Variants in NOBOX observed in about 807,000 individuals in gnomAD.
The protein encoded by NOBOX is NOBOX oogenesis homeobox, also known as homeobox protein NOBOX.
In NOBOX, 46 loss-of-function variants were observed where a neutral mutation model predicts 60.2. The ratio of observed to expected loss-of-function variants is 0.76; its 90% CI spans 0.60 to 0.98. The LOEUF is 0.98. Ranked by LOEUF, NOBOX falls within the 50% of genes least tolerant of loss-of-function variation. The probability of loss-of-function intolerance (pLI) is 0.00; values close to 1 mark genes in which losing one functional copy is unlikely to be tolerated. For synonymous variants in NOBOX, 360 were observed against 346.3 expected, an observed-to-expected ratio of 1.04 and a Z score of -0.44; for missense variants, 880 against 865.5, an observed-to-expected ratio of 1.02 and a Z score of -0.21.
chr7:144,407,750 T>TG (rs1203923411), intron 1 of NOBOX, among the ~76,000 whole-genome samples: 2 of 152,116 alleles, frequency 1.3e-5, no homozygotes, highest in Non-Finnish European at 2.9e-5. Flanking sequence ...CTGGCTAGAG[T>TG]GGAAACTGCC....
At chr7:144,407,362 C>T (rs1248861258) in intron 1 of NOBOX, among the ~76,000 whole-genome samples, 1 of 152,122 alleles carries the variant, frequency 6.6e-6, no homozygotes, top group Admixed American at 6.5e-5. Flanking sequence ...ACACCTAGGA[C>T]CAGAAAGGCA....
chr7:144,396,899 A>G (rs889454869), downstream of NOBOX, among the ~76,000 whole-genome samples: 4 of 152,198 alleles, frequency 2.6e-5, no homozygotes, highest in South Asian at 2.1e-4. Flanking sequence ...ATAACCACAG[A>G]GAAAACCGCA....
intron 4 of NOBOX, 116 bp from the exon 3 acceptor site, chr7:144,400,428 C>A (rs74599724): frequency 0.014 from 12,526 of 868,930 alleles, 118 homozygotes; most frequent in Non-Finnish European, 0.019. Context: ...CCTAACCCAA[C>A]ACTTTCCCAA....
intron 1 of NOBOX, among the ~76,000 whole-genome samples, chr7:144,406,986 A>AT (rs1024920716): frequency 4.7e-5 from 7 of 148,470 alleles, no homozygotes; most frequent in East Asian, 2.0e-4. Flanking sequence ...ACAGGGAGGT[A>AT]TTTTTTTTTA....
rs1452231566 is a variant in NOBOX at position 144,399,387 on chromosome 7, G to T, written c.1240+10C>A. ...GCCATTTTCCCCCAGCTCTGAAGGT[G>T]GGAACTCACCTGGAAAGGTATCCAG... On this transcript the variant is annotated intron_variant, in intron 7 of 9. Transcript: ENST00000467773. The T allele has an allele frequency of 6.4e-7, 1 of 1,560,604 alleles. No homozygotes were observed. Among genetic ancestry groups the T allele is most frequent in the South Asian group, 1.2e-5 (1 of 85,076 alleles).
At position 144,404,627 on chromosome 7, in the gene NOBOX, C is replaced by T. The variant is rs780611966; in HGVS notation, c.139G>A (p.Gly47Arg). The T allele has an allele frequency of 2.0e-5, 33 of 1,613,836 alleles. No individual in the cohort carries two copies. In the East Asian group the frequency reaches 6.5e-4, roughly 32 times the overall value. The change falls in exon 2 of 10, where the codon GGA becomes AGA. Residue 47 changes from glycine (G) to arginine (R), a missense_variant. By Grantham distance (125) the Gly-to-Arg change is moderately radical. Transcript: ENST00000467773. ...AAGGAGCTGAAAGAGCCACAGACTCCGTAGATCCGGTACAGTCCACACACA... is the reference window on the plus strand; with the variant it reads ...AAGGAGCTGAAAGAGCCACAGACTCTGTAGATCCGGTACAGTCCACACACA...
chr7:144,400,532 ACAT>A (rs1269168134), intron 4 of NOBOX, among the ~76,000 whole-genome samples: 1 of 152,304 alleles, frequency 6.6e-6, no homozygotes, highest in South Asian at 2.1e-4. Context: ...CCTGGTCCCA[ACAT>A]CATTTTCTTT....
intron 2 of NOBOX, among the ~76,000 whole-genome samples, chr7:144,404,292 A>G (rs1026364908): frequency 6.6e-6 from 1 of 152,194 alleles, no homozygotes; most frequent in Non-Finnish European, 1.5e-5. Context: ...TCTGTCGCCC[A>G]GGCTGGAGTG....
Position 144,398,408 on chromosome 7 carries a change from T to G in NOBOX, c.1648A>C (p.Thr550Pro). The G allele has an allele frequency of 6.5e-7, 1 of 1,537,122 alleles. No individual in the cohort carries two copies. Among genetic ancestry groups the G allele is most frequent in the Non-Finnish European group, 8.7e-7 (1 of 1,146,860 alleles). The change falls in exon 9 of 10, where the codon ACG (threonine) becomes CCG (proline). Residue 550 changes from threonine to proline, a missense_variant. Thr to Pro is a conservative substitution (Grantham distance 38). Coordinates refer to ENST00000467773, the MANE Select transcript of NOBOX (RefSeq NM_001080413.3). The stretch of plus-strand genomic sequence containing the variant: ...AGAGAGTCTTCGGGCGGTGGAAGCG[T>G]CAGTGAACTGGGCATGGAGAAGGGG...
intron 1 of NOBOX, among the ~76,000 whole-genome samples, chr7:144,408,635 C>T (rs986598174): frequency 6.6e-6 from 1 of 152,188 alleles, no homozygotes; most frequent in Admixed American, 6.5e-5. Flanking sequence ...CAGATTTGAA[C>T]CCAGTTAGTC....
rs1228162385 is a variant in NOBOX at position 144,398,853 on chromosome 7, A to G, written c.1469+97T>C. ...TCCTGTACCACTCTGTGCTCCTCTC[A>G]GTTAACCCTCTCCTCTCTGTGTCTA... On this transcript the variant is annotated intron_variant, in intron 8 of 9. Coordinates refer to ENST00000467773, the MANE Select transcript of NOBOX (RefSeq NM_001080413.3). 9.9e-6 allele frequency: 7 copies of G among 710,414 alleles called. No homozygotes were observed. The Admixed American group carries it at 1.6e-4, about 16-fold the overall frequency. 44.0% of individuals were successfully genotyped at this position (710,414 alleles called of 1,614,324 possible). A position where few individuals can be genotyped will look rare whatever the true frequency, so the allele number is the denominator to read the frequency against.
intron 9 of NOBOX, 95 bp downstream of exon 7, chr7:144,398,187 G>T: frequency 9.1e-7 from 1 of 1,104,610 alleles, no homozygotes; most frequent in Non-Finnish European, 1.3e-6. Flanking sequence ...CACCACCCAT[G>T]ACCTGCCTCA....
intron 5 of NOBOX, 126 bp downstream of exon 3, chr7:144,400,080 C>T (rs1234483381): frequency 1.3e-6 from 2 of 1,598,982 alleles, no homozygotes; most frequent in East Asian, 2.2e-5. Flanking sequence ...AGGGACACAG[C>T]CACGTCTGAG....
rs1399859347 is a variant in NOBOX, at chr7:144,397,368, C to T, written c.1948G>A (p.Glu650Lys). ...GGCCCAGTCCCTGGTCTGGCCCCTT[C>T]AGGCATCCATGAGAGAGCTGACGAA... The change falls in exon 10 of 10, where the codon GAA (glutamate) becomes AAA (lysine). Residue 650 changes from glutamate (E) to lysine (K), a missense_variant. Transcript: ENST00000467773. 3.3e-6 allele frequency: 5 copies of T among 1,537,174 alleles called. No homozygotes were observed. In the East Asian group the frequency reaches 1.2e-4, roughly 38 times the overall value.
intron 2 of NOBOX, 147 bp downstream of exon 1, chr7:144,403,510 T>TTCCCCCCCC: frequency 1.1e-5 from 4 of 349,464 alleles, no homozygotes; most frequent in South Asian, 2.5e-5. Flanking sequence ...GTCGGCCTCC[T>TTCCCCCCCC]CCCACCCTAC....
intron 2 of NOBOX, 94 bp from the exon 1 acceptor site, chr7:144,403,787 C>T (rs1399017214): frequency 8.2e-6 from 3 of 366,934 alleles, no homozygotes; most frequent in South Asian, 5.2e-5. Flanking sequence ...CCGCACGGGC[C>T]GGGCCGGGCC....
intron 1 of NOBOX, among the ~76,000 whole-genome samples, chr7:144,406,229 T>C (rs1051387993): frequency 6.6e-6 from 1 of 152,160 alleles, no homozygotes; most frequent in Non-Finnish European, 1.5e-5. Context: ...GAGTCTACAA[T>C]AGATTTGCAT....
intron 1 of NOBOX, among the ~76,000 whole-genome samples, chr7:144,405,246 G>C (rs1367383876): frequency 1.3e-5 from 2 of 152,208 alleles, no homozygotes; most frequent in Non-Finnish European, 2.9e-5. Context: ...CAGTTTCTGT[G>C]CTAGAAATGA....
chr7:144,398,312 T>C lies in NOBOX; in HGVS notation c.1744A>G (p.Ile582Val), dbSNP rs367962183. The C allele has an allele frequency of 1.2e-5, 19 of 1,537,120 alleles. No individual in the cohort carries two copies. Among genetic ancestry groups the C allele is most frequent in the Non-Finnish European group, 1.5e-5 (17 of 1,146,916 alleles). Residue 582 changes from isoleucine (I) to valine (V), a missense_variant, in exon 9 of 10, where the codon ATC (isoleucine) becomes GTC (valine). By Grantham distance (29) the Ile-to-Val change is conservative (BLOSUM62 3). Transcript: ENST00000467773. ...TTCCCAGCAGGTGGTTGCATCAGGA[T>C]CTGTCCTGAGGAGGCACCTGGGCAA...
Sources: gnomAD v4.1 joint callset for allele counts (sites outside exome capture counted in the v4.1 genomes callset) on GRCh38, gnomAD v4.1.1 for gene constraint, MANE v1.5 for transcripts, NCBI Gene and HGNC (gene_info 2026-07-23, HGNC 2026-07-21) for gene names.